MSL2: variants seen among roughly 807,000 people sequenced by gnomAD.
The protein encoded by MSL2 is E3 ubiquitin-protein ligase MSL2.
MSL2 carries 2 observed loss-of-function variants against 35.8 expected under a neutral mutation model. That is an observed-to-expected ratio of 0.06 (90% CI 0.02 to 0.18). The LOEUF (loss-of-function observed/expected upper bound fraction) is 0.18, where lower values mean the gene tolerates loss of function less well. Among genes scored for constraint, MSL2 ranks in the 10% least tolerant of loss-of-function variants. The pLI is 1.00. For synonymous variants in MSL2, 296 were observed against 255.7 expected, an observed-to-expected ratio of 1.16 and a Z score of -1.50; for missense variants, 523 against 706.7, an observed-to-expected ratio of 0.74 and a Z score of 2.95.
intron 1 of MSL2, among the ~76,000 whole-genome samples, chr3:136,157,196 TGGGCTGATCACCTGAGGTCAGGAAGGC>T (rs1475851674): frequency 6.7e-5 from 10 of 149,150 alleles, no homozygotes; most frequent in African/African-American, 1.2e-4. Context: ...GAGGCCAAGG[TGGGCTGATCACCTGAGGTCAGGAAGGC>T]GGGCCGATCA....
At chr3:136,170,404 T>A (rs1163046798) in intron 1 of MSL2, among the ~76,000 whole-genome samples, 1 of 150,034 alleles carries the variant, frequency 6.7e-6, no homozygotes, top group Admixed American at 6.7e-5. Flanking sequence ...GTGACTGAAG[T>A]ACAAGACCTT....
intron 1 of MSL2, among the ~76,000 whole-genome samples, chr3:136,179,050 C>T (rs1428730863): frequency 6.9e-6 from 1 of 145,044 alleles, no homozygotes; most frequent in Non-Finnish European, 1.5e-5. Context: ...CGCAGTGGCA[C>T]AATCAGAATT....
intron 1 of MSL2, chr3:136,153,003 CCTT>C: frequency 1.0e-6 from 1 of 985,406 alleles, no homozygotes; most frequent in Non-Finnish European, 1.2e-6. Flanking sequence ...TTCTGGTCCA[CCTT>C]CTTATCCTCT....
intron 1 of MSL2, among the ~76,000 whole-genome samples, chr3:136,186,249 T>C (rs1400530512): frequency 6.6e-6 from 1 of 152,226 alleles, no homozygotes; most frequent in Non-Finnish European, 1.5e-5. Context: ...CACCATTGTA[T>C]AACTGTCCCT....
intron 1 of MSL2, among the ~76,000 whole-genome samples, chr3:136,156,184 G>T (rs910027438): frequency 4.6e-5 from 7 of 152,164 alleles, no homozygotes; most frequent in African/African-American, 1.7e-4. Context: ...TATATCTTCA[G>T]ATTATTAAAG....
At chr3:136,168,951 G>GA (rs888879762) in intron 1 of MSL2, among the ~76,000 whole-genome samples, 1 of 151,256 alleles carries the variant, frequency 6.6e-6, no homozygotes, top group African/African-American at 2.4e-5. Flanking sequence ...AAATACAGAA[G>GA]AAAAAAAAGA....
chr3:136,169,093 T>C (rs1939936105), intron 1 of MSL2, among the ~76,000 whole-genome samples: 2 of 151,948 alleles, frequency 1.3e-5, no homozygotes, highest in African/African-American at 4.8e-5. Context: ...AGGCGCACTT[T>C]ATCTTGGAAA....
chr3:136,153,144 G>A, intron 1 of MSL2: 1 of 771,280 alleles, frequency 1.3e-6, no homozygotes, highest in Non-Finnish European at 1.6e-6. Flanking sequence ...GGAGGCTGAG[G>A]TGATGGCTTG....
Position 136,195,012 on chromosome 3 carries a change from G to A in MSL2, c.102C>T (p.Leu34=), listed in dbSNP as rs773752002. The part of the protein sequence containing the change: ...DPKAFTEINR[L]LPYFRQSLSC... ...AAAGGGACTGTCGGAAGTAAGGCAA[G>A]AGCCTGTTAATCTCAGTAAACGCCT... The change falls in exon 1 of 2, where the codon CTC becomes CTT. Residue 34 remains leucine (L), a synonymous_variant. Coordinates refer to ENST00000309993, the MANE Select transcript of MSL2 (RefSeq NM_018133.4). 5.6e-6 allele frequency: 9 copies of A among 1,614,022 alleles called. No individual in the cohort carries two copies. Among genetic ancestry groups the A allele is most frequent in the South Asian group, 1.1e-5 (1 of 91,060 alleles).
At chr3:136,157,242 C>A (rs528355688) in intron 1 of MSL2, among the ~76,000 whole-genome samples, 2 of 151,946 alleles carry the variant, frequency 1.3e-5, no homozygotes, top group South Asian at 4.2e-4. Context: ...CACCTGAGGT[C>A]AGGAAGGCGG....
In MSL2 at chr3:136,195,419, G is replaced by C. The variant is rs892238772; in HGVS notation, c.-306C>G. ...GCGGCGGCTTGGGCGCTCGGGGCGG[G>C]ACTCGGAGCTCAGTCTAGCCCCGCG... is the stretch of plus-strand genomic sequence containing the variant. On this transcript the variant is annotated 5_prime_UTR_variant, in exon 1 of 2. Coordinates refer to ENST00000309993, the MANE Select transcript of MSL2 (RefSeq NM_018133.4). The C allele has an allele frequency of 8.9e-7, 1 of 1,127,282 alleles. No individual in the cohort carries two copies. Among genetic ancestry groups the C allele is most frequent in the East Asian group, 6.4e-5 (1 of 15,518 alleles). The allele number at this position is 1,127,282 out of a possible 1,614,324, so 69.8% of individuals were successfully genotyped here. A position where few individuals can be genotyped will look rare whatever the true frequency, so the allele number is the denominator to read the frequency against.
intron 1 of MSL2, among the ~76,000 whole-genome samples, chr3:136,186,734 G>A (rs1035866505): frequency 2.0e-5 from 3 of 152,064 alleles, no homozygotes; most frequent in African/African-American, 7.2e-5. Flanking sequence ...ACATTATAGT[G>A]AACTCTATAA....
At chr3:136,166,208 G>C (rs1241066624) in intron 1 of MSL2, among the ~76,000 whole-genome samples, 1 of 151,748 alleles carries the variant, frequency 6.6e-6, no homozygotes, top group East Asian at 1.9e-4. Context: ...GGACAACATG[G>C]TCCAGGCTGT....
Position 136,195,931 on chromosome 3 carries a change from T to A in MSL2, c.-818A>T. ...CGCCCCTCGCGCCTCAGTCGCACAC[T>A]CCGGGGTCACCAGACTCAAGCGCCG... On this transcript the variant is annotated 5_prime_UTR_variant, in exon 1 of 2. Transcript: ENST00000309993. The A allele has an allele frequency of 1.8e-6, 1 of 570,806 alleles. No homozygotes were observed. The highest frequency in any genetic ancestry group is 2.1e-5 in the African/African-American group (1 of 47,912). 35.4% of individuals were successfully genotyped at this position (570,806 alleles called of 1,614,324 possible). A position where few individuals can be genotyped will look rare whatever the true frequency, so the allele number is the denominator to read the frequency against.
intron 1 of MSL2, among the ~76,000 whole-genome samples, chr3:136,190,269 A>T (rs778229754): frequency 1.3e-5 from 2 of 152,114 alleles, no homozygotes; most frequent in Non-Finnish European, 2.9e-5. Context: ...ATCACAGGTG[A>T]CCAATAAAGA....
intron 1 of MSL2, among the ~76,000 whole-genome samples, chr3:136,178,328 ATTAAG>A (rs1258392410): frequency 6.6e-6 from 1 of 152,192 alleles, no homozygotes; most frequent in African/African-American, 2.4e-5. Context: ...ATTAGGCAAA[ATTAAG>A]TTGATTCATA....
chr3:136,160,904 C>G (rs1250379778), intron 1 of MSL2, among the ~76,000 whole-genome samples: 1 of 151,832 alleles, frequency 6.6e-6, no homozygotes, highest in African/African-American at 2.4e-5. Context: ...CTGGCCGACA[C>G]GGTGAAACCC....
chr3:136,194,523 C>T (rs1940780834), intron 1 of MSL2: 2 of 848,768 alleles, frequency 2.4e-6, no homozygotes, highest in Non-Finnish European at 2.8e-6. Flanking sequence ...GGTTCATCAG[C>T]TTAGCCCACC....
In MSL2 at chr3:136,166,684, G is replaced by A. The variant is rs145631241; in HGVS notation, c.143-13946C>T. ...TAAATTTGAAGCAGCATAAGTTTGA[G>A]AGGCAAATAGCGCTAAAATAAATAA... On this transcript the variant is annotated intron_variant, in intron 1 of 1. Coordinates refer to ENST00000309993, the MANE Select transcript of MSL2 (RefSeq NM_018133.4). Among the ~76,000 whole-genome samples, 944 of 152,238 alleles carry A rather than the reference G, an allele frequency of 6.2e-3. 13 individuals carry two copies. Among genetic ancestry groups the A allele is most frequent in the African/African-American group, 0.022 (895 of 41,538 alleles).
Sources: gnomAD v4.1 joint callset for allele counts (sites outside exome capture counted in the v4.1 genomes callset) on GRCh38, gnomAD v4.1.1 for gene constraint, MANE v1.5 for transcripts, NCBI Gene and HGNC (gene_info 2026-07-23, HGNC 2026-07-21) for gene names.